OCRL: variants seen among roughly 807,000 people sequenced by gnomAD.
OCRL encodes inositol polyphosphate 5-phosphatase OCRL.
A neutral mutation model predicts 78.9 loss-of-function variants in OCRL; 8 were observed. That is an observed-to-expected ratio of 0.10 (90% confidence interval 0.06 to 0.18). The LOEUF (loss-of-function observed/expected upper bound fraction) is 0.18, where lower values mean the gene tolerates loss of function less well. Ranked by LOEUF, OCRL falls within the 10% of genes least tolerant of loss-of-function variation. The pLI, the probability that OCRL is intolerant of heterozygous loss-of-function variation, is 1.00. For synonymous variants in OCRL, 240 were observed against 235.4 expected (o/e 1.02, Z -0.18); for missense variants, 454 against 696.7 (o/e 0.65, Z 3.92).
intron 15 of OCRL, among the ~76,000 whole-genome samples, chrX:129,574,822 A>G (rs941627101): frequency 8.9e-6 from 1 of 112,594 alleles, no homozygotes; most frequent in African/African-American, 3.2e-5. Flanking sequence ...ACGTTAGCCA[A>G]TTAATCTTAC....
intron 14 of OCRL, among the ~76,000 whole-genome samples, chrX:129,568,502 T>A (rs1936253015): frequency 8.9e-6 from 1 of 111,772 alleles, no homozygotes; most frequent in Non-Finnish European, 1.9e-5. Context: ...AGTGACACTG[T>A]TAGATCTTGT....
At chrX:129,564,399 C>G (rs1163516643) in intron 12 of OCRL, among the ~76,000 whole-genome samples, 1 of 110,943 alleles carries the variant, frequency 9.0e-6, no homozygotes, top group Non-Finnish European at 1.9e-5. Context: ...ATAAATCATG[C>G]TGCTATAAAG....
intron 1 of OCRL, 55 bp from the exon 2 acceptor site, chrX:129,540,689 T>C (rs1935783466): frequency 2.0e-6 from 2 of 1,025,311 alleles, no homozygotes; most frequent in Admixed American, 2.2e-5. Context: ...CGCCCCGCAG[T>C]GCACCACTCC....
chrX:129,548,603 T>G lies in OCRL; in HGVS notation c.238+2T>G. On this transcript the variant is annotated splice_donor_variant, in intron 4 of 23. Transcript: ENST00000371113. LOFTEE classifies it high-confidence loss of function. ...TTTTGATTGACATAGCTTCTAACAG[T>G]GAGTATCTTTCTGAATGTGCTTGAT... 1 of 1,191,513 alleles carries G rather than the reference T, an allele frequency of 8.4e-7. No homozygotes were observed.
At chrX:129,581,735 G>A (rs1454998857) in intron 18 of OCRL, among the ~76,000 whole-genome samples, 1 of 103,153 alleles carries the variant, frequency 9.7e-6, no homozygotes, top group Non-Finnish European at 2.0e-5. Context: ...CTGTGTGTGT[G>A]TGTGTGTGTG....
chrX:129,573,329 G>A (rs776116897), intron 15 of OCRL, among the ~76,000 whole-genome samples: 14 of 111,699 alleles, frequency 1.3e-4, no homozygotes, highest in Non-Finnish European at 2.6e-4. Context: ...CCATCATCTA[G>A]GTTTTAAGCC....
At chrX:129,542,157 G>A (rs2124385198) in intron 2 of OCRL, among the ~76,000 whole-genome samples, 1 of 110,540 alleles carries the variant, frequency 9.0e-6, no homozygotes, top group Non-Finnish European at 1.9e-5. Flanking sequence ...GAATAGAGTA[G>A]CTACATTGTT....
At chrX:129,543,782 G>C (rs1271047791) in intron 2 of OCRL, among the ~76,000 whole-genome samples, 1 of 112,665 alleles carries the variant, frequency 8.9e-6, no homozygotes. Flanking sequence ...TCAAAACAAT[G>C]ACATTTTAAT....
chrX:129,588,825 C>T (rs776614202), intron 21 of OCRL, 61 bp from the exon 22 acceptor site: 72 of 1,194,804 alleles, frequency 6.0e-5, no homozygotes, highest in African/African-American at 1.1e-4. Flanking sequence ...GAAAGGAGCT[C>T]GTCGGGGCTC....
At chrX:129,586,142 C>T (rs1442932356) in intron 19 of OCRL, among the ~76,000 whole-genome samples, 1 of 111,591 alleles carries the variant, frequency 9.0e-6, no homozygotes, top group Non-Finnish European at 1.9e-5. Flanking sequence ...CCTAAGATAA[C>T]TGAGTTTATT....
intron 18 of OCRL, among the ~76,000 whole-genome samples, chrX:129,581,774 A>G (rs1300933726): frequency 1.0e-5 from 1 of 98,280 alleles, no homozygotes; most frequent in African/African-American, 3.8e-5. Flanking sequence ...CATTATTAAG[A>G]TGTTTACCTT....
At chrX:129,569,946 C>T (rs1289632096) in intron 15 of OCRL, among the ~76,000 whole-genome samples, 2 of 105,955 alleles carry the variant, frequency 1.9e-5, no homozygotes, top group African/African-American at 6.9e-5. Flanking sequence ...CGGGTTCAAG[C>T]GATGCCCCTG....
At chrX:129,553,369 T>A (rs1935992319) in intron 4 of OCRL, 1 of 112,252 alleles carries the variant, frequency 8.9e-6, no homozygotes, top group South Asian at 3.7e-4. Context: ...TGTGACTGTG[T>A]GTCTTTTAAA....
Position 129,544,941 on chromosome X carries a change from G to A in OCRL, c.120-17G>A, listed in dbSNP as rs372887076. ...TTTTTCAGTGGCTGTTCTTTGATGC[G>A]TTCTTCTGTTTCCTAGGTTAATAAT... On this transcript the variant is annotated splice_polypyrimidine_tract_variant and intron_variant, in intron 2 of 23. Transcript: ENST00000371113. 14 of 1,068,051 alleles carry A rather than the reference G, an allele frequency of 1.3e-5. No individual in the cohort carries two copies. Among genetic ancestry groups the A allele is most frequent in the Admixed American group, 6.6e-5 (3 of 45,628 alleles). The allele number at this position is 1,068,051 out of a possible 1,213,427, so 88.0% of individuals were successfully genotyped here.
Position 129,548,256 on chromosome X carries a change from G to A in OCRL, c.200-307G>A, listed in dbSNP as rs916468938. 3.6e-5 allele frequency among the ~76,000 whole-genome samples: 4 copies of A among 112,041 alleles called. No individual in the cohort carries two copies. The South Asian group carries it at 1.5e-3, about 42-fold the overall frequency. ...GTTAAGGGGAATTAAACTTGCTTTC[G>A]CTGAATTAACATGTTGTTATGTTCT... On this transcript the variant is annotated intron_variant, in intron 3 of 23. Coordinates refer to ENST00000371113, the MANE Select transcript of OCRL (RefSeq NM_000276.4).
intron 19 of OCRL, 48 bp from the exon 20 acceptor site, chrX:129,586,954 G>A: frequency 1.2e-5 from 10 of 831,527 alleles, no homozygotes; most frequent in African/African-American, 2.0e-5. Context: ...ATACACCAAA[G>A]TCTTTATTCT....
intron 4 of OCRL, among the ~76,000 whole-genome samples, chrX:129,555,336 A>G (rs1459495654): frequency 9.0e-6 from 1 of 110,660 alleles, no homozygotes; most frequent in Non-Finnish European, 1.9e-5. Flanking sequence ...GTAGCCGGAC[A>G]TGGTGGCGGG....
chrX:129,586,867 G>C (rs1936517492), intron 19 of OCRL, 135 bp from the exon 20 acceptor site: 1 of 570,118 alleles, frequency 1.8e-6, no homozygotes, highest in Non-Finnish European at 3.2e-6. Context: ...AGTGTCCCCA[G>C]TGAGAAGAAA....
chrX:129,557,039 C>T (rs767289854), intron 4 of OCRL, among the ~76,000 whole-genome samples: 35 of 111,346 alleles, frequency 3.1e-4, no homozygotes, highest in Non-Finnish European at 4.9e-4. Context: ...GATCAGAACG[C>T]AGGAAAGTAT....
Sources: gnomAD v4.1 joint callset for allele counts (sites outside exome capture counted in the v4.1 genomes callset) on GRCh38, gnomAD v4.1.1 for gene constraint, MANE v1.5 for transcripts, NCBI Gene and HGNC (gene_info 2026-07-23, HGNC 2026-07-21) for gene names.